Variants in EIF4G3 observed in about 807,000 individuals in gnomAD.
EIF4G3 encodes the protein eIF-4-gamma 3.
A neutral mutation model predicts 186.4 loss-of-function variants in EIF4G3; 34 were observed. The observed-to-expected ratio is 0.18, with a 90% CI of 0.14 to 0.24. The LOEUF (loss-of-function observed/expected upper bound fraction) is 0.24, where lower values mean the gene tolerates loss of function less well. EIF4G3 is among the 10% of genes least tolerant of loss of function. The pLI, the probability that EIF4G3 is intolerant of heterozygous loss-of-function variation, is 1.00. For synonymous variants in EIF4G3, 673 were observed against 679.5 expected (o/e 0.99, Z 0.15); for missense variants, 1,536 against 1,948.5 (o/e 0.79, Z 3.99).
At chr1:20,817,179 C>T (rs1570991928) in intron 34 of EIF4G3, among the ~76,000 whole-genome samples, 1 of 140,856 alleles carries the variant, frequency 7.1e-6, no homozygotes, top group Admixed American at 7.1e-5. Context: ...ACCTTCCCTC[C>T]ACTATTGTCC....
intron 4 of EIF4G3, among the ~76,000 whole-genome samples, chr1:21,049,011 G>C (rs962484395): frequency 2.6e-5 from 4 of 152,178 alleles, no homozygotes; most frequent in Admixed American, 2.6e-4. Context: ...CAGCAAATTT[G>C]GGATGGGCAG....
intron 2 of EIF4G3, among the ~76,000 whole-genome samples, chr1:21,100,783 A>G (rs1265320353): frequency 6.6e-6 from 1 of 152,208 alleles, no homozygotes; most frequent in African/African-American, 2.4e-5. Context: ...ATTGTTATGC[A>G]ACAGTAACAG....
intron 20 of EIF4G3, among the ~76,000 whole-genome samples, chr1:20,873,384 T>C (rs1028106261): frequency 3.3e-5 from 5 of 152,242 alleles, no homozygotes; most frequent in African/African-American, 1.2e-4. Flanking sequence ...TACCTAAGAA[T>C]TGAAATGCTA....
intron 33 of EIF4G3, 149 bp from the exon 34 acceptor site, chr1:20,817,687 T>A: frequency 2.5e-6 from 1 of 405,704 alleles, no homozygotes; most frequent in Non-Finnish European, 3.9e-6. Flanking sequence ...TGTAGTTTTT[T>A]TTTTTTTTTT....
chr1:21,160,527 A>C (rs2097748484), intron 2 of EIF4G3, among the ~76,000 whole-genome samples: 2 of 152,214 alleles, frequency 1.3e-5, no homozygotes, highest in Admixed American at 6.5e-5. Flanking sequence ...CCACAATAGA[A>C]AGACCAGCAA....
intron 12 of EIF4G3, among the ~76,000 whole-genome samples, chr1:20,952,646 C>T (rs1324231307): frequency 6.6e-6 from 1 of 152,064 alleles, no homozygotes; most frequent in African/African-American, 2.4e-5. Flanking sequence ...GTCAAGAGTT[C>T]GAGATCAGCC....
intron 6 of EIF4G3, among the ~76,000 whole-genome samples, chr1:20,998,393 A>G (rs1005874001): frequency 1.3e-5 from 2 of 152,166 alleles, no homozygotes; most frequent in African/African-American, 2.4e-5. Context: ...TAAATAAGTC[A>G]AATCTCTTAA....
At chr1:20,833,276 T>C (rs983351312) in intron 30 of EIF4G3, among the ~76,000 whole-genome samples, 1 of 151,732 alleles carries the variant, frequency 6.6e-6, no homozygotes, top group Non-Finnish European at 1.5e-5. Context: ...TTGTATCCTC[T>C]TTTATTTCCT....
intron 2 of EIF4G3, among the ~76,000 whole-genome samples, chr1:21,135,450 G>A (rs2097221668): frequency 1.3e-5 from 2 of 152,222 alleles, no homozygotes; most frequent in Non-Finnish European, 2.9e-5. Context: ...GCAATGAACC[G>A]AGATCGTGGC....
intron 12 of EIF4G3, among the ~76,000 whole-genome samples, chr1:20,962,649 G>A (rs1215981119): frequency 6.6e-6 from 1 of 152,046 alleles, no homozygotes; most frequent in Non-Finnish European, 1.5e-5. Context: ...GTTATTCAAG[G>A]TTTATGGCAA....
intron 4 of EIF4G3, among the ~76,000 whole-genome samples, chr1:21,042,271 C>T (rs1051445421): frequency 6.6e-6 from 1 of 152,196 alleles, no homozygotes; most frequent in African/African-American, 2.4e-5. Context: ...AGCCACCTCA[C>T]CCAGCCCAAC....
chr1:20,904,854 C>A, intron 15 of EIF4G3, 29 bp downstream of exon 15: 1 of 1,577,214 alleles, frequency 6.3e-7, no homozygotes, highest in South Asian at 1.1e-5. Context: ...CACCACTGCT[C>A]TGAATATGAA....
At chr1:21,170,806 T>C (rs915651443) in intron 2 of EIF4G3, among the ~76,000 whole-genome samples, 2 of 151,952 alleles carry the variant, frequency 1.3e-5, no homozygotes, top group Non-Finnish European at 2.9e-5. Context: ...CTGGCCAACA[T>C]GGCAAAATCC....
chr1:20,808,186 A>G (rs888703703), intron 36 of EIF4G3, among the ~76,000 whole-genome samples: 7 of 151,888 alleles, frequency 4.6e-5, no homozygotes, highest in Non-Finnish European at 5.9e-5. Context: ...GCCCGGCCCA[A>G]TCTGAACTAT....
At chr1:21,136,654 T>C (rs1294896202) in intron 2 of EIF4G3, among the ~76,000 whole-genome samples, 1 of 152,218 alleles carries the variant, frequency 6.6e-6, no homozygotes, top group Non-Finnish European at 1.5e-5. Context: ...CACTTGTTAG[T>C]AGAGTAACTA....
chr1:20,962,908 G>GTTTTTTTTTGT (rs2073708650), intron 12 of EIF4G3, among the ~76,000 whole-genome samples: 1 of 139,182 alleles, frequency 7.2e-6, no homozygotes. Flanking sequence ...TTGTAGTTTT[G>GTTTTTTTTTGT]TTTTTTTTTT....
intron 4 of EIF4G3, among the ~76,000 whole-genome samples, chr1:21,017,744 G>C (rs2089606789): frequency 6.6e-6 from 1 of 151,622 alleles, no homozygotes; most frequent in African/African-American, 2.4e-5. Flanking sequence ...GCTCATTGGA[G>C]CACTTGAGAT....
Position 20,909,089 on chromosome 1 carries a change from T to A in EIF4G3, c.1664-4118A>T, listed in dbSNP as rs2092759448. 2.0e-5 allele frequency among the ~76,000 whole-genome samples: 3 copies of A among 151,672 alleles called. No homozygotes were observed. In the South Asian group the frequency reaches 6.3e-4, roughly 32 times the overall value. The stretch of plus-strand genomic sequence containing the variant: ...ATCGCTTGAACCTGGGAGATGGAGG[T>A]TGTAGTGAGCAGAGATCACGCCACT... On this transcript the variant is annotated intron_variant, in intron 14 of 36. Coordinates refer to ENST00000602326, the MANE Select transcript of EIF4G3 (RefSeq NM_001391906.1).
At chr1:21,107,900 A>G (rs910394767) in intron 2 of EIF4G3, among the ~76,000 whole-genome samples, 2 of 152,214 alleles carry the variant, frequency 1.3e-5, no homozygotes, top group African/African-American at 2.4e-5. Context: ...GCGATCCCAG[A>G]ACTTTGGGAG....
Sources: gnomAD v4.1 joint callset for allele counts (sites outside exome capture counted in the v4.1 genomes callset) on GRCh38, gnomAD v4.1.1 for gene constraint, MANE v1.5 for transcripts, NCBI Gene and HGNC (gene_info 2026-07-23, HGNC 2026-07-21) for gene names.